The following OR4C3 variants were observed in gnomAD, a reference collection of about 807,000 sequenced individuals.
The protein encoded by OR4C3 is olfactory receptor family 4 subfamily C member 3, also known as olfactory receptor 4C3.
For missense variants in OR4C3, 439 were observed against 360.7 expected, an observed-to-expected ratio of 1.22 and a Z score of -1.76; for synonymous variants, 186 against 140.1, an observed-to-expected ratio of 1.33 and a Z score of -2.31.
In OR4C3 at chr11:48,325,819, C is replaced by T; in HGVS notation, c.798C>T (p.Asp266=). 6.2e-7 allele frequency: 1 copy of T among 1,606,926 alleles called. No individual in the cohort carries two copies. Among genetic ancestry groups the T allele is most frequent in the Non-Finnish European group, 8.5e-7 (1 of 1,177,254 alleles). ...ATCCATTTTCTACTTTACCTATAGACAAAAATATGGCATTATTTTATGGTA... is the reference window on the plus strand; with the variant it reads ...ATCCATTTTCTACTTTACCTATAGATAAAAATATGGCATTATTTTATGGTA... ...YVHPFSTLPI[D]KNMALFYGIL... Residue 266 remains aspartate (D), a synonymous_variant, in exon 1 of 1, where the codon GAC becomes GAT. Coordinates refer to ENST00000319856, the MANE Select transcript of OR4C3 (RefSeq NM_001004702.2).
rs1338882432 is a variant in OR4C3, at chr11:48,325,478, C to T, written c.457C>T (p.His153Tyr). The T allele has an allele frequency of 7.4e-6, 12 of 1,613,600 alleles. No individual in the cohort carries two copies. In the Admixed American group the frequency reaches 8.3e-5, roughly 11 times the overall value. The change falls in exon 1 of 1, where the codon CAT becomes TAT. Residue 153 changes from histidine to tyrosine, a missense_variant. By Grantham distance (83) the His-to-Tyr change is moderately conservative. Transcript: ENST00000319856. ...GGTGGCTTGGCTTGGGGGCTTCCTG[C>T]ATTCATTGGTTCAGCTCCTCCTGGT... Reference protein sequence around the residue: ...VGVAWLGGFLHSLVQLLLVLW... With the variant: ...VGVAWLGGFLYSLVQLLLVLW...
rs1460805418 is a variant in OR4C3 at position 48,325,347 on chromosome 11, A to T, written c.326A>T (p.Glu109Val). Reference sequence around the variant, plus strand: ...GGAGCTCATTTTTTGGGAGGTGTTGAGATCATTCTGCTCACAGTGATGGCT... The same window carrying T: ...GGAGCTCATTTTTTGGGAGGTGTTGTGATCATTCTGCTCACAGTGATGGCT... ...LFGAHFLGGV[E>V]IILLTVMAYD... Residue 109 changes from glutamate (E) to valine (V), a missense_variant, in exon 1 of 1, where the codon GAG (glutamate) becomes GTG (valine). By Grantham distance (121) the Glu-to-Val change is moderately radical (BLOSUM62 -2). Transcript: ENST00000319856. 3.1e-6 allele frequency: 5 copies of T among 1,614,114 alleles called. No individual in the cohort carries two copies.
At position 48,325,470 on chromosome 11, in the gene OR4C3, G is replaced by A. The variant is rs775908790; in HGVS notation, c.449G>A (p.Gly150Asp). ...CTTGTAGGGGTGGCTTGGCTTGGGG[G>A]CTTCCTGCATTCATTGGTTCAGCTC... ...AMLVGVAWLG[G>D]FLHSLVQLLL... The change falls in exon 1 of 1, where the codon GGC becomes GAC. Residue 150 changes from glycine to aspartate, a missense_variant. Coordinates refer to ENST00000319856, the MANE Select transcript of OR4C3 (RefSeq NM_001004702.2). 1 of 1,613,690 alleles carries A rather than the reference G, an allele frequency of 6.2e-7. No homozygotes were observed. Among genetic ancestry groups the A allele is most frequent in the Non-Finnish European group, 8.5e-7 (1 of 1,179,784 alleles).
chr11:48,325,680 T>G lies in OR4C3; in HGVS notation c.659T>G (p.Leu220Arg), dbSNP rs1395111249. 1 of 1,614,166 alleles carries G rather than the reference T, an allele frequency of 6.2e-7. No homozygotes were observed. The highest frequency in any genetic ancestry group is 1.1e-5 in the South Asian group (1 of 91,074). ...LMLAASYIVI[L>R]YSLRSHSADG... ...CTGGCTGCCTCCTACATTGTCATCC[T>G]GTACTCCTTGAGGTCCCACAGTGCA... is the stretch of plus-strand genomic sequence containing the variant. Residue 220 changes from leucine (L) to arginine (R), a missense_variant, in exon 1 of 1, where the codon CTG (leucine) becomes CGG (arginine). Transcript: ENST00000319856.
chr11:48,325,793 C>T lies in OR4C3; in HGVS notation c.772C>T (p.His258Tyr), dbSNP rs1275111357. 2.5e-6 allele frequency: 4 copies of T among 1,611,510 alleles called. No individual in the cohort carries two copies. The highest frequency in any genetic ancestry group is 3.4e-6 in the Non-Finnish European group (4 of 1,178,970). Reference protein sequence around the residue: ...FFVPCIFTYVHPFSTLPIDKN... With the variant: ...FFVPCIFTYVYPFSTLPIDKN... ...TGTGCCCTGTATATTTACTTATGTG[C>T]ATCCATTTTCTACTTTACCTATAGA... The change falls in exon 1 of 1, where the codon CAT (histidine) becomes TAT (tyrosine). Residue 258 changes from histidine (H) to tyrosine (Y), a missense_variant. Transcript: ENST00000319856.
rs747419429 is a variant in OR4C3 at position 48,325,654 on chromosome 11, G to A, written c.633G>A (p.Met211Ile). 6.2e-7 allele frequency: 1 copy of A among 1,614,104 alleles called. No individual in the cohort carries two copies. Among genetic ancestry groups the A allele is most frequent in the Non-Finnish European group, 8.5e-7 (1 of 1,179,978 alleles). Residue 211 changes from methionine to isoleucine, a missense_variant, in exon 1 of 1, where the codon ATG becomes ATA. Met to Ile is a conservative substitution (Grantham distance 10, BLOSUM62 1). Transcript: ENST00000319856. ...TAATCTGCCTGTTGAACTTCCTCAT[G>A]CTGGCTGCCTCCTACATTGTCATCC... ...SGLICLLNFLMLAASYIVILY... is the reference protein window; with the variant it reads ...SGLICLLNFLILAASYIVILY...
rs765601984 is a variant in OR4C3, at chr11:48,325,929, A to T, written c.908A>T (p.Ter303LeuextTer7). 1.3e-6 allele frequency: 2 copies of T among 1,490,390 alleles called. No individual in the cohort carries two copies. 92.3% of individuals were successfully genotyped at this position (1,490,390 alleles called of 1,614,324 possible). A position where few individuals can be genotyped will look rare whatever the true frequency, so the allele number is the denominator to read the frequency against. Residue 303 changes from the stop codon to leucine (L), a stop_lost, in exon 1 of 1, where the codon TAA (stop) becomes TTA (leucine). Transcript: ENST00000319856. ...KNAMRKLFTW[*>L] ...GCCATGAGAAAGCTCTTTACATGGT[A>T]AGAAATTGCAGGTGGAAAATGAGTG...
Position 48,325,209 on chromosome 11 carries a change from A to T in OR4C3, c.188A>T (p.Asn63Ile), listed in dbSNP as rs201024735. ...LASPVYFFLA[N>I]LSFIDTFYSS... ...TCCCCTGTGTATTTTTTCCTGGCCA[A>T]CCTATCCTTTATTGACACCTTTTAT... Residue 63 changes from asparagine (N) to isoleucine (I), a missense_variant, in exon 1 of 1, where the codon AAC becomes ATC. Asn to Ile is a moderately radical substitution (Grantham distance 149). Coordinates refer to ENST00000319856, the MANE Select transcript of OR4C3 (RefSeq NM_001004702.2). The T allele has an allele frequency of 6.2e-7, 1 of 1,614,100 alleles. No individual in the cohort carries two copies. The highest frequency in any genetic ancestry group is 1.1e-5 in the South Asian group (1 of 91,074).
chr11:48,325,134 G>T lies in OR4C3; in HGVS notation c.113G>T (p.Cys38Phe), dbSNP rs1852197352. 6.2e-7 allele frequency: 1 copy of T among 1,614,036 alleles called. No individual in the cohort carries two copies. The highest frequency in any genetic ancestry group is 1.1e-5 in the South Asian group (1 of 91,084). ...VFLLIYVVTV[C>F]GNMLIVVTIT... ...TTGCTGATCTATGTGGTCACGGTTTGTGGCAACATGCTCATTGTGGTCACT... is the reference window on the plus strand; with the variant it reads ...TTGCTGATCTATGTGGTCACGGTTTTTGGCAACATGCTCATTGTGGTCACT... The change falls in exon 1 of 1, where the codon TGT becomes TTT. Residue 38 changes from cysteine (C) to phenylalanine (F), a missense_variant. Coordinates refer to ENST00000319856, the MANE Select transcript of OR4C3 (RefSeq NM_001004702.2).
rs775285454 is a variant in OR4C3, at chr11:48,325,721, G to T, written c.700G>T (p.Ala234Ser). The T allele has an allele frequency of 6.2e-7, 1 of 1,613,848 alleles. No homozygotes were observed. Among genetic ancestry groups the T allele is most frequent in the South Asian group, 1.1e-5 (1 of 91,044 alleles). The change falls in exon 1 of 1, where the codon GCC (alanine) becomes TCC (serine). Residue 234 changes from alanine to serine, a missense_variant. Coordinates refer to ENST00000319856, the MANE Select transcript of OR4C3 (RefSeq NM_001004702.2). ...CCACAGTGCAGATGGGAGATGCAAAGCCCTCTCCACCTGTGGAGCCCACTT... is the reference window on the plus strand; with the variant it reads ...CCACAGTGCAGATGGGAGATGCAAATCCCTCTCCACCTGTGGAGCCCACTT... The part of the protein sequence containing the change: ...RSHSADGRCK[A>S]LSTCGAHFIV...
Position 48,324,970 on chromosome 11 carries a change from C to T in OR4C3, c.-52C>T, listed in dbSNP as rs140779640. The T allele has an allele frequency of 6.2e-7, 1 of 1,605,118 alleles. No individual in the cohort carries two copies. The highest frequency in any genetic ancestry group is 1.3e-5 in the African/African-American group (1 of 74,432). On this transcript the variant is annotated 5_prime_UTR_variant, in exon 1 of 1. Coordinates refer to ENST00000319856, the MANE Select transcript of OR4C3 (RefSeq NM_001004702.2). ...AATTAGTTCTATTACTTATGTTTCT[C>T]CTTGTCTTTATAGGCAATACTGCAC...
chr11:48,325,434 T>A lies in OR4C3; in HGVS notation c.413T>A (p.Leu138His). The A allele has an allele frequency of 6.2e-7, 1 of 1,613,864 alleles. No homozygotes were observed. The highest frequency in any genetic ancestry group is 8.5e-7 in the Non-Finnish European group (1 of 1,179,892). Reference protein sequence around the residue: ...LHNTTIMTRHLCAMLVGVAWL... With the variant: ...LHNTTIMTRHHCAMLVGVAWL... ...AATACTACCATCATGACCAGGCATCTCTGTGCCATGCTTGTAGGGGTGGCT... is the reference window on the plus strand; with the variant it reads ...AATACTACCATCATGACCAGGCATCACTGTGCCATGCTTGTAGGGGTGGCT... Residue 138 changes from leucine to histidine, a missense_variant, in exon 1 of 1, where the codon CTC becomes CAC. Leu to His is a moderately conservative substitution (Grantham distance 99). Coordinates refer to ENST00000319856, the MANE Select transcript of OR4C3 (RefSeq NM_001004702.2).
chr11:48,324,930 G>A lies in OR4C3; in HGVS notation c.-92G>A, dbSNP rs370867853. On this transcript the variant is annotated 5_prime_UTR_variant, in exon 1 of 1. It removes an upstream start codon present in the reference 5' UTR. Transcript: ENST00000319856. The stretch of plus-strand genomic sequence containing the variant: ...GATATATTAAAGGAAAACTTGCAAT[G>A]TTTTTCCCCCATGCAATTAGTTCTA... 9.6e-6 allele frequency: 15 copies of A among 1,563,748 alleles called. No individual in the cohort carries two copies. The highest frequency in any genetic ancestry group is 1.4e-5 in the African/African-American group (1 of 73,152).
In OR4C3 at chr11:48,325,937, G is replaced by A. The variant is rs1852214374; in HGVS notation, c.*7G>A. On this transcript the variant is annotated 3_prime_UTR_variant, in exon 1 of 1. Transcript: ENST00000319856. The stretch of plus-strand genomic sequence containing the variant: ...AAAGCTCTTTACATGGTAAGAAATT[G>A]CAGGTGGAAAATGAGTGGTAAAGCA... The A allele has an allele frequency of 2.7e-6, 4 of 1,487,210 alleles. No homozygotes were observed. The highest frequency in any genetic ancestry group is 3.6e-6 in the Non-Finnish European group (4 of 1,125,030). 92.1% of individuals were successfully genotyped at this position (1,487,210 alleles called of 1,614,324 possible).
At position 48,325,893 on chromosome 11, in the gene OR4C3, AG is replaced by A. The variant is rs777443758; in HGVS notation, c.874del (p.Val292Ter). ...NPLIYTLRNE[E>X]VKNAMRKLFT... ...CTCATTTATACCCTGAGAAATGAAG[AG>A]GTAAAAAATGCCATGAGAAAGCTCT... On this transcript the variant is annotated frameshift_variant, in exon 1 of 1. Transcript: ENST00000319856. LOFTEE classifies it low-confidence loss of function (END_TRUNC). The A allele has an allele frequency of 2.0e-6, 3 of 1,514,098 alleles. No homozygotes were observed. The highest frequency in any genetic ancestry group is 2.8e-5 in the African/African-American group (2 of 71,854). The allele number at this position is 1,514,098 out of a possible 1,614,324, so 93.8% of individuals were successfully genotyped here.
rs766278126 is a variant in OR4C3, at chr11:48,325,221, T to C, written c.200T>C (p.Ile67Thr). ...TTTTTCCTGGCCAACCTATCCTTTA[T>C]TGACACCTTTTATTCTTCTTCTATG... ...VYFFLANLSF[I>T]DTFYSSSMAP... is the part of the protein sequence containing the mutation. Residue 67 changes from isoleucine to threonine, a missense_variant, in exon 1 of 1, where the codon ATT (isoleucine) becomes ACT (threonine). Coordinates refer to ENST00000319856, the MANE Select transcript of OR4C3 (RefSeq NM_001004702.2). The C allele has an allele frequency of 1.1e-5, 17 of 1,614,092 alleles. No individual in the cohort carries two copies. Among genetic ancestry groups the C allele is most frequent in the African/African-American group, 1.3e-5 (1 of 74,930 alleles).
At position 48,325,167 on chromosome 11, in the gene OR4C3, C is replaced by T; in HGVS notation, c.146C>T (p.Ser49Phe). Reference protein sequence around the residue: ...GNMLIVVTITSSPTLASPVYF... With the variant: ...GNMLIVVTITFSPTLASPVYF... The stretch of plus-strand genomic sequence containing the variant: ...ATGCTCATTGTGGTCACTATCACCT[C>T]CAGCCCCACGCTGGCTTCCCCTGTG... The change falls in exon 1 of 1, where the codon TCC (serine) becomes TTC (phenylalanine). Residue 49 changes from serine to phenylalanine, a missense_variant. Transcript: ENST00000319856. 6.2e-7 allele frequency: 1 copy of T among 1,614,164 alleles called. No individual in the cohort carries two copies. Among genetic ancestry groups the T allele is most frequent in the Non-Finnish European group, 8.5e-7 (1 of 1,180,028 alleles).
At position 48,325,044 on chromosome 11, in the gene OR4C3, C is replaced by A. The variant is rs776974946; in HGVS notation, c.23C>A (p.Thr8Lys). 1.8e-5 allele frequency: 29 copies of A among 1,613,942 alleles called. No homozygotes were observed. Among genetic ancestry groups the A allele is most frequent in the Non-Finnish European group, 2.3e-5 (27 of 1,179,962 alleles). Residue 8 changes from threonine to lysine, a missense_variant, in exon 1 of 1, where the codon ACA (threonine) becomes AAA (lysine). By Grantham distance (78) the Thr-to-Lys change is moderately conservative. Transcript: ENST00000319856. MDIPQNI[T>K]EFFMLGLSQN... ...TCTATGGACATACCACAAAATATCA[C>A]AGAATTTTTCATGCTGGGGCTCTCA...
Position 48,325,636 on chromosome 11 carries a change from C to T in OR4C3, c.615C>T (p.Cys205=). ...TGGTTGCCAACAGTGGTTTAATCTGCCTGTTGAACTTCCTCATGCTGGCTG... is the reference window on the plus strand; with the variant it reads ...TGGTTGCCAACAGTGGTTTAATCTGTCTGTTGAACTTCCTCATGCTGGCTG... ...LLVVANSGLI[C]LLNFLMLAAS... is the part of the protein sequence containing the mutation. The change falls in exon 1 of 1, where the codon TGC becomes TGT. Residue 205 remains cysteine (C), a synonymous_variant. Coordinates refer to ENST00000319856, the MANE Select transcript of OR4C3 (RefSeq NM_001004702.2). 6.2e-7 allele frequency: 1 copy of T among 1,613,990 alleles called. No homozygotes were observed. Among genetic ancestry groups the T allele is most frequent in the Non-Finnish European group, 8.5e-7 (1 of 1,179,882 alleles).
Sources: gnomAD v4.1 joint callset for allele counts on GRCh38, gnomAD v4.1.1 for gene constraint, MANE v1.5 for transcripts, NCBI Gene and HGNC (gene_info 2026-07-23, HGNC 2026-07-21) for gene names.